Variants in SLC22A3 observed in about 807,000 individuals in gnomAD.
The protein encoded by SLC22A3 is EMT organic cation transporter 3.
A neutral mutation model predicts 59.1 loss-of-function variants in SLC22A3; 51 were observed. That is an observed-to-expected ratio of 0.86 (90% CI 0.69 to 1.09). The LOEUF (loss-of-function observed/expected upper bound fraction) is 1.09, where lower values mean the gene tolerates loss of function less well. Ranked by LOEUF, SLC22A3 falls within the 50% of genes least tolerant of loss-of-function variation. The probability of loss-of-function intolerance (pLI) is 0.00; values close to 1 mark genes in which losing one functional copy is unlikely to be tolerated. For missense variants in SLC22A3, 711 were observed against 726.3 expected, an observed-to-expected ratio of 0.98 and a Z score of 0.24; for synonymous variants, 325 against 292.0, an observed-to-expected ratio of 1.11 and a Z score of -1.15.
intron 1 of SLC22A3, among the ~76,000 whole-genome samples, chr6:160,387,047 C>T (rs1448253046): frequency 6.6e-6 from 1 of 152,220 alleles, no homozygotes; most frequent in Non-Finnish European, 1.5e-5. Flanking sequence ...ATGCGCATGG[C>T]ATCAAGGCAG....
At position 160,410,748 on chromosome 6, in the gene SLC22A3, C is replaced by T. The variant is rs142228053; in HGVS notation, c.877C>T (p.Arg293Cys). The T allele has an allele frequency of 6.1e-5, 98 of 1,612,670 alleles. No individual in the cohort carries two copies. Among genetic ancestry groups the T allele is most frequent in the Non-Finnish European group, 7.5e-5 (88 of 1,179,080 alleles). The change falls in exon 5 of 11, where the codon CGT (arginine) becomes TGT (cysteine). Residue 293 changes from arginine (R) to cysteine (C), a missense_variant. Physicochemically the swap from Arg to Cys is radical, Grantham distance 180. Transcript: ENST00000275300. ...LYYWVVPESPRWLITRKKGDK... is the reference protein window; with the variant it reads ...LYYWVVPESPCWLITRKKGDK... ...TGCCAGGGTGGTCCCTGAGTCTCCCCGTTGGCTGATTACTCGGAAGAAAGG... is the reference window on the plus strand; with the variant it reads ...TGCCAGGGTGGTCCCTGAGTCTCCCTGTTGGCTGATTACTCGGAAGAAAGG...
At chr6:160,365,638 C>CA (rs1290308649) in intron 1 of SLC22A3, among the ~76,000 whole-genome samples, 5 of 152,048 alleles carry the variant, frequency 3.3e-5, no homozygotes, top group Admixed American at 2.0e-4. Flanking sequence ...TACACTTGAA[C>CA]AAAAAATGTG....
At chr6:160,396,071 G>A (rs1218255812) in intron 1 of SLC22A3, among the ~76,000 whole-genome samples, 3 of 152,030 alleles carry the variant, frequency 2.0e-5, no homozygotes, top group Non-Finnish European at 2.9e-5. Flanking sequence ...ACCTACATTC[G>A]TACTCTTTCC....
At chr6:160,352,404 C>T (rs1292687477) in intron 1 of SLC22A3, among the ~76,000 whole-genome samples, 9 of 152,168 alleles carry the variant, frequency 5.9e-5, no homozygotes, top group African/African-American at 1.4e-4. Flanking sequence ...TACAATGTAA[C>T]GCAGAGAAGC....
At chr6:160,424,522 T>C (rs1405384678) in intron 5 of SLC22A3, among the ~76,000 whole-genome samples, 1 of 152,232 alleles carries the variant, frequency 6.6e-6, no homozygotes, top group Non-Finnish European at 1.5e-5. Context: ...AGTCTTGACA[T>C]ACATAAACTT....
At chr6:160,371,868 TCTAA>T (rs2114775219) in intron 1 of SLC22A3, among the ~76,000 whole-genome samples, 1 of 152,322 alleles carries the variant, frequency 6.6e-6, no homozygotes, top group Non-Finnish European at 1.5e-5. Context: ...TGATTGCCAT[TCTAA>T]CTGGCTTGAT....
rs570437728 is a variant in SLC22A3 at position 160,392,624 on chromosome 6, C to T, written c.430-5355C>T. On this transcript the variant is annotated intron_variant, in intron 1 of 10. Transcript: ENST00000275300. The stretch of plus-strand genomic sequence containing the variant: ...AGTATAAGAAGTGTTAACTTTTTGA[C>T]ATTAAATGAAGGTGCCCAAATAGTG... Among the ~76,000 whole-genome samples the T allele has an allele frequency of 2.0e-5, 3 of 152,324 alleles. No homozygotes were observed. In the East Asian group the frequency reaches 5.8e-4, roughly 29 times the overall value.
At chr6:160,396,359 C>A (rs1244814123) in intron 1 of SLC22A3, among the ~76,000 whole-genome samples, 1 of 152,102 alleles carries the variant, frequency 6.6e-6, no homozygotes, top group Non-Finnish European at 1.5e-5. Context: ...TGATGGTTTC[C>A]ATTTTTTTCC....
chr6:160,356,290 A>G (rs886922116), intron 1 of SLC22A3, among the ~76,000 whole-genome samples: 1 of 152,212 alleles, frequency 6.6e-6, no homozygotes, highest in East Asian at 1.9e-4. Context: ...CCTCTGGAGC[A>G]GGAGGAAAAC....
chr6:160,441,624 G>C (rs190219974), intron 7 of SLC22A3, among the ~76,000 whole-genome samples: 2 of 37,298 alleles, frequency 5.4e-5, no homozygotes, highest in Non-Finnish European at 1.2e-4. Flanking sequence ...TTTTTTTTTT[G>C]ACTTGGCTAT....
At chr6:160,369,974 G>C (rs1354255026) in intron 1 of SLC22A3, among the ~76,000 whole-genome samples, 1 of 152,178 alleles carries the variant, frequency 6.6e-6, no homozygotes, top group Admixed American at 6.5e-5. Context: ...TTACTGATTT[G>C]GCAGAGAGTA....
intron 5 of SLC22A3, among the ~76,000 whole-genome samples, chr6:160,428,168 C>T (rs1410244127): frequency 7.1e-6 from 1 of 140,344 alleles, no homozygotes; most frequent in East Asian, 2.2e-4. Flanking sequence ...CAACATGTGA[C>T]CCACAGCTGC....
intron 1 of SLC22A3, among the ~76,000 whole-genome samples, chr6:160,359,190 A>G (rs1331011825): frequency 1.3e-5 from 2 of 152,196 alleles, no homozygotes; most frequent in African/African-American, 4.8e-5. Flanking sequence ...ATCTGACCTC[A>G]AAGAAAATAC....
chr6:160,435,542 A>G (rs1004558517), intron 5 of SLC22A3, among the ~76,000 whole-genome samples: 6 of 152,224 alleles, frequency 3.9e-5, no homozygotes, highest in Non-Finnish European at 1.5e-5. Context: ...AAAGATAGGC[A>G]TAAGATATCA....
In SLC22A3 at chr6:160,408,796, C is replaced by T. The variant is rs765809983; in HGVS notation, c.732C>T (p.Ile244=). ...CGAAACAAAGGAGGATTGTGGGAAT[C>T]GTGATTCAAATGTTCTTTACCCTTG... ...VGSKQRRIVG[I]VIQMFFTLGI... The change falls in exon 4 of 11, where the codon ATC becomes ATT. Residue 244 remains isoleucine (I), a synonymous_variant. Coordinates refer to ENST00000275300, the MANE Select transcript of SLC22A3 (RefSeq NM_021977.4). The T allele has an allele frequency of 5.6e-6, 9 of 1,613,542 alleles. No homozygotes were observed. Among genetic ancestry groups the T allele is most frequent in the Admixed American group, 1.7e-5 (1 of 59,928 alleles).
At chr6:160,417,426 C>G (rs1203086187) in intron 5 of SLC22A3, among the ~76,000 whole-genome samples, 1 of 152,194 alleles carries the variant, frequency 6.6e-6, no homozygotes, top group Non-Finnish European at 1.5e-5. Context: ...CTCAATGTGT[C>G]TGCATGTACT....
intron 1 of SLC22A3, among the ~76,000 whole-genome samples, chr6:160,379,405 G>A (rs1322397189): frequency 6.6e-6 from 1 of 152,140 alleles, no homozygotes; most frequent in Non-Finnish European, 1.5e-5. Context: ...AATATCCTCT[G>A]ACACTCTTTT....
At chr6:160,401,689 G>C (rs1786788521) in intron 2 of SLC22A3, among the ~76,000 whole-genome samples, 1 of 151,870 alleles carries the variant, frequency 6.6e-6, no homozygotes, top group Non-Finnish European at 1.5e-5. Context: ...GCAACAATGT[G>C]TTTGGTTGTG....
intron 2 of SLC22A3, among the ~76,000 whole-genome samples, chr6:160,398,804 A>G (rs1218090977): frequency 2.0e-5 from 3 of 152,174 alleles, no homozygotes; most frequent in Non-Finnish European, 2.9e-5. Flanking sequence ...AGCAGGAGTA[A>G]TAGGAATATA....
Sources: gnomAD v4.1 joint callset for allele counts (sites outside exome capture counted in the v4.1 genomes callset) on GRCh38, gnomAD v4.1.1 for gene constraint, MANE v1.5 for transcripts, NCBI Gene and HGNC (gene_info 2026-07-23, HGNC 2026-07-21) for gene names.